Variants in CTNND2 observed in about 807,000 individuals in gnomAD.
CTNND2 encodes catenin delta 2.
In CTNND2, 22 loss-of-function variants were observed where a neutral mutation model predicts 144.4. That is an observed-to-expected ratio of 0.15 (90% confidence interval 0.11 to 0.22). CTNND2 has a LOEUF of 0.22. Among genes scored for constraint, CTNND2 ranks in the 10% least tolerant of loss-of-function variants. The pLI is 1.00. For missense variants in CTNND2, 1,353 were observed against 1,618.8 expected, an observed-to-expected ratio of 0.84 and a Z score of 2.82; for synonymous variants, 751 against 695.6, an observed-to-expected ratio of 1.08 and a Z score of -1.25.
At chr5:11,020,423 T>A (rs888424650) in intron 17 of CTNND2, among the ~76,000 whole-genome samples, 14 of 152,144 alleles carry the variant, frequency 9.2e-5, no homozygotes. Context: ...ATTTTATAAA[T>A]AAGCTATGGT....
intron 2 of CTNND2, among the ~76,000 whole-genome samples, chr5:11,696,366 C>T (rs1270246498): frequency 6.6e-6 from 1 of 152,144 alleles, no homozygotes; most frequent in Admixed American, 6.5e-5. Flanking sequence ...GAAAAACAGG[C>T]AGCAGCTTGG....
rs375780972 is a variant in CTNND2 at position 11,433,108 on chromosome 5, T to C, written c.288-21039A>G. Among the ~76,000 whole-genome samples the C allele has an allele frequency of 4.6e-5, 7 of 152,150 alleles. No individual in the cohort carries two copies. The East Asian group carries it at 1.4e-3, about 29-fold the overall frequency. On this transcript the variant is annotated intron_variant, in intron 3 of 21. Coordinates refer to ENST00000304623, the MANE Select transcript of CTNND2 (RefSeq NM_001332.4). ...AAATACAAAAAAAATTAGCTGGGTG[T>C]GGTGGCAGAAGCCTGTAGTCCCAGC... is the stretch of plus-strand genomic sequence containing the variant.
intron 2 of CTNND2, among the ~76,000 whole-genome samples, chr5:11,636,879 A>G (rs1387498879): frequency 6.6e-6 from 1 of 152,180 alleles, no homozygotes; most frequent in Non-Finnish European, 1.5e-5. Flanking sequence ...TGGAAGTTGG[A>G]GGCAATCCCA....
intron 11 of CTNND2, among the ~76,000 whole-genome samples, chr5:11,185,378 T>C (rs756836207): frequency 2.6e-5 from 4 of 152,188 alleles, no homozygotes; most frequent in Non-Finnish European, 5.9e-5. Context: ...TGAGCAACCT[T>C]GTAGTGCTGC....
chr5:11,708,118 C>T (rs1160731729), intron 2 of CTNND2, among the ~76,000 whole-genome samples: 2 of 151,424 alleles, frequency 1.3e-5, no homozygotes, highest in African/African-American at 2.4e-5. Context: ...GTGTTCTTGG[C>T]TCACTACAAC....
intron 10 of CTNND2, among the ~76,000 whole-genome samples, chr5:11,202,207 ATAAT>A (rs1317638506): frequency 6.6e-6 from 1 of 152,228 alleles, no homozygotes; most frequent in African/African-American, 2.4e-5. Flanking sequence ...ATTGGATGTT[ATAAT>A]TAATATTCCT....
intron 2 of CTNND2, among the ~76,000 whole-genome samples, chr5:11,691,198 C>T (rs1326742635): frequency 1.3e-5 from 2 of 151,922 alleles, no homozygotes; most frequent in Non-Finnish European, 2.9e-5. Flanking sequence ...GGGGCAACTC[C>T]GTCTCTACTA....
rs147732794 is a variant in CTNND2, at chr5:11,416,525, C to T, written c.288-4456G>A. Among the ~76,000 whole-genome samples the T allele has an allele frequency of 1.2e-4, 18 of 152,292 alleles. No individual in the cohort carries two copies. The East Asian group carries it at 3.5e-3, about 29-fold the overall frequency. On this transcript the variant is annotated intron_variant, in intron 3 of 21. Transcript: ENST00000304623. ...TTAAGTGCACACTTTAATCTCTTAGCTAGGAGATTTTATGCAATTGCCTAT... is the reference window on the plus strand; with the variant it reads ...TTAAGTGCACACTTTAATCTCTTAGTTAGGAGATTTTATGCAATTGCCTAT...
chr5:11,432,776 A>C (rs7710716), intron 3 of CTNND2, among the ~76,000 whole-genome samples: 10,995 of 152,002 alleles, frequency 0.072, 435 homozygotes, highest in African/African-American at 0.087. Context: ...GTGTATGTGC[A>C]TTTTTTGCAA....
intron 1 of CTNND2, among the ~76,000 whole-genome samples, chr5:11,778,362 C>T (rs1408257782): frequency 1.3e-5 from 2 of 152,124 alleles, no homozygotes; most frequent in Admixed American, 6.5e-5. Flanking sequence ...AACTAACCAC[C>T]TCTTTCAAAT....
chr5:11,137,335 A>AT (rs1172627116), intron 12 of CTNND2, among the ~76,000 whole-genome samples: 13 of 152,106 alleles, frequency 8.5e-5, no homozygotes, highest in Admixed American at 3.9e-4. Flanking sequence ...CGGAAATTTG[A>AT]TTTTTTTCAT....
At position 11,295,767 on chromosome 5, in the gene CTNND2, A is replaced by G. The variant is rs1006183067; in HGVS notation, c.1628+50605T>C. 1.1e-4 allele frequency among the ~76,000 whole-genome samples: 16 copies of G among 152,284 alleles called. 1 individual carries two copies. Among genetic ancestry groups the G allele is most frequent in the Admixed American group, 5.9e-4 (9 of 15,296 alleles). Reference sequence around the variant, plus strand: ...CTATTTAATAAACTGTGCTGGGAAAACTGCCTAGCCATATGTAGAAAGCTG... The same window carrying G: ...CTATTTAATAAACTGTGCTGGGAAAGCTGCCTAGCCATATGTAGAAAGCTG... On this transcript the variant is annotated intron_variant, in intron 9 of 21. Coordinates refer to ENST00000304623, the MANE Select transcript of CTNND2 (RefSeq NM_001332.4).
At chr5:11,295,857 T>A (rs974924102) in intron 9 of CTNND2, among the ~76,000 whole-genome samples, 2 of 151,854 alleles carry the variant, frequency 1.3e-5, no homozygotes, top group Non-Finnish European at 2.9e-5. Flanking sequence ...GACTTACGTG[T>A]TAGACCTAAA....
intron 3 of CTNND2, among the ~76,000 whole-genome samples, chr5:11,419,130 T>G (rs1456492423): frequency 1.3e-5 from 2 of 151,672 alleles, no homozygotes; most frequent in Non-Finnish European, 2.9e-5. Context: ...ATGGTGGTGG[T>G]GGCTCTACAG....
rs369215532 is a variant in CTNND2 at position 11,349,437 on chromosome 5, A to T, written c.1373-2810T>A. Reference sequence around the variant, plus strand: ...AGACAGGAAACTGAGGCTCAGAGAGATTAAGAAACTAGCCGGCAGTCAGCT... The same window carrying T: ...AGACAGGAAACTGAGGCTCAGAGAGTTTAAGAAACTAGCCGGCAGTCAGCT... On this transcript the variant is annotated intron_variant, in intron 8 of 21. Coordinates refer to ENST00000304623, the MANE Select transcript of CTNND2 (RefSeq NM_001332.4). 1.2e-3 allele frequency among the ~76,000 whole-genome samples: 187 copies of T among 152,278 alleles called. 3 individuals carry two copies. The East Asian group carries it at 0.021, about 17-fold the overall frequency.
chr5:11,290,378 ATTGTGT>A (rs1748206553), intron 9 of CTNND2, among the ~76,000 whole-genome samples: 1 of 152,204 alleles, frequency 6.6e-6, no homozygotes, highest in Non-Finnish European at 1.5e-5. Flanking sequence ...CACACATATG[ATTGTGT>A]TTCTATTTGT....
intron 3 of CTNND2, among the ~76,000 whole-genome samples, chr5:11,454,643 C>G (rs1161377334): frequency 6.6e-6 from 1 of 151,254 alleles, no homozygotes; most frequent in Non-Finnish European, 1.5e-5. Flanking sequence ...GTTGCCCAGG[C>G]TGCAGTGCAG....
At chr5:11,016,417 T>C (rs927478527) in intron 18 of CTNND2, among the ~76,000 whole-genome samples, 6 of 152,240 alleles carry the variant, frequency 3.9e-5, no homozygotes, top group Non-Finnish European at 7.3e-5. Flanking sequence ...TCTAACTTAG[T>C]TGAGACAGCT....
At chr5:11,174,423 T>TA (rs1310180464) in intron 11 of CTNND2, among the ~76,000 whole-genome samples, 1 of 152,158 alleles carries the variant, frequency 6.6e-6, no homozygotes, top group African/African-American at 2.4e-5. Flanking sequence ...AAAAGCAGTG[T>TA]AAAAAAATGT....
Sources: gnomAD v4.1 joint callset for allele counts (sites outside exome capture counted in the v4.1 genomes callset) on GRCh38, gnomAD v4.1.1 for gene constraint, MANE v1.5 for transcripts, NCBI Gene and HGNC (gene_info 2026-07-23, HGNC 2026-07-21) for gene names.